The following ARAP1 variants were observed in gnomAD, a reference collection of about 807,000 sequenced individuals.
The protein encoded by ARAP1 is ArfGAP with RhoGAP domain, ankyrin repeat and PH domain 1, also known as arf-GAP with Rho-GAP domain, ANK repeat and PH domain-containing protein 1.
In ARAP1, 76 loss-of-function variants were observed where a neutral mutation model predicts 172.2. The ratio of observed to expected loss-of-function variants is 0.44; its 90% CI spans 0.37 to 0.53. The LOEUF is 0.53. Among genes scored for constraint, ARAP1 ranks in the 20% least tolerant of loss-of-function variants. The pLI is 0.00. For synonymous variants in ARAP1, 804 were observed against 803.3 expected (o/e 1.00, Z -0.01); for missense variants, 1,686 against 1,977.5 (o/e 0.85, Z 2.80).
In ARAP1 at chr11:72,725,776, G is replaced by C. The variant is rs1857668895; in HGVS notation, c.509+844C>G. The stretch of plus-strand genomic sequence containing the variant: ...GACCATAGAAACACAGAGCCCAGCA[G>C]AGTGCCCAGCAATAAACAAACAGGG... On this transcript the variant is annotated intron_variant, in intron 3 of 34. Transcript: ENST00000393609. This position sits in a 1 kb window ranked among gnomAD's most constrained non-coding sequence, Gnocchi z 4.3. 6.6e-6 allele frequency among the ~76,000 whole-genome samples: 1 copy of C among 152,160 alleles called. No individual in the cohort carries two copies. The highest frequency in any genetic ancestry group is 6.5e-5 in the Admixed American group (1 of 15,280).
chr11:72,737,523 T>C (rs1265669110), intron 1 of ARAP1, among the ~76,000 whole-genome samples: 2 of 152,176 alleles, frequency 1.3e-5, no homozygotes, highest in Non-Finnish European at 2.9e-5. Flanking sequence ...CCCAGAGCCT[T>C]AGCCAAAGAC....
intron 33 of ARAP1, among the ~76,000 whole-genome samples, chr11:72,686,968 A>T (rs914864356): frequency 6.6e-6 from 1 of 151,992 alleles, no homozygotes; most frequent in African/African-American, 2.4e-5. Flanking sequence ...GACTTCCAGC[A>T]CTCCTGGCTT....
intron 15 of ARAP1, among the ~76,000 whole-genome samples, chr11:72,702,531 T>C (rs932848509): frequency 2.6e-5 from 4 of 151,900 alleles, no homozygotes; most frequent in African/African-American, 9.7e-5. Context: ...CATGGAGAAA[T>C]GTAACTCAGC....
At chr11:72,698,176 G>A (rs1213609345) in intron 18 of ARAP1, 70 bp from the exon 19 acceptor site, 45 of 1,467,176 alleles carry the variant, frequency 3.1e-5, no homozygotes, top group Non-Finnish European at 3.9e-5. Flanking sequence ...CCAGCTCCTT[G>A]GCTTACAGGC....
intron 16 of ARAP1, 108 bp downstream of exon 16, chr11:72,701,541 C>G: frequency 6.9e-7 from 1 of 1,459,612 alleles, no homozygotes; most frequent in Non-Finnish European, 9.2e-7. Flanking sequence ...AGGAAGCCCT[C>G]TAGGGTGACT....
intron 2 of ARAP1, among the ~76,000 whole-genome samples, chr11:72,730,649 G>A (rs1184270364): frequency 7.3e-5 from 11 of 151,456 alleles, no homozygotes; most frequent in Non-Finnish European, 1.0e-4. Context: ...GCAGTGAGCC[G>A]AGATCACACC....
At position 72,710,073 on chromosome 11, in the gene ARAP1, C is replaced by A; in HGVS notation, c.1417-97G>T. 8.7e-7 allele frequency: 1 copy of A among 1,143,284 alleles called. No individual in the cohort carries two copies. Among genetic ancestry groups the A allele is most frequent in the South Asian group, 1.2e-5 (1 of 80,184 alleles). 70.8% of individuals were successfully genotyped at this position (1,143,284 alleles called of 1,614,324 possible). On this transcript the variant is annotated intron_variant, in intron 10 of 34. Coordinates refer to ENST00000393609, the MANE Select transcript of ARAP1 (RefSeq NM_001040118.3). This position sits in a 1 kb window ranked among gnomAD's most constrained non-coding sequence, Gnocchi z 4.3. ...AAGGGAAGGTGGTGCAACTCAGGGA[C>A]TGGGGGGGGTGCCCAGGAGGGAGAC...
chr11:72,702,844 T>C (rs532262866), intron 15 of ARAP1, 61 bp downstream of exon 15: 1 of 1,527,540 alleles, frequency 6.5e-7, no homozygotes, highest in East Asian at 2.5e-5. Context: ...GAGCAGCAGG[T>C]AAATCAAACC....
chr11:72,728,702 A>G (rs1157401569), intron 2 of ARAP1, among the ~76,000 whole-genome samples: 1 of 152,236 alleles, frequency 6.6e-6, no homozygotes, highest in African/African-American at 2.4e-5. Context: ...AAAGCATCAC[A>G]AAATAGAAAA....
chr11:72,688,717 C>G, intron 30 of ARAP1, 180 bp from the exon 31 acceptor site: 2 of 578,898 alleles, frequency 3.5e-6, no homozygotes, highest in Non-Finnish European at 6.2e-6. Context: ...GCCCAACCAA[C>G]CTCCCAGCCC....
chr11:72,703,541 G>A (rs932393453), intron 14 of ARAP1: 3 of 163,240 alleles, frequency 1.8e-5, no homozygotes, highest in South Asian at 1.7e-4. Flanking sequence ...GGAGCAGGAC[G>A]CCTGGGTCCC....
At position 72,696,494 on chromosome 11, in the gene ARAP1, G is replaced by A. The variant is rs1485840503; in HGVS notation, c.3272+55C>T. On this transcript the variant is annotated intron_variant, in intron 23 of 34. Coordinates refer to ENST00000393609, the MANE Select transcript of ARAP1 (RefSeq NM_001040118.3). ...AGGAGGGTAGTCAGCCAGGGTGGGGGTAGAAGAACCTTCATCCCATCCCCC... is the reference window on the plus strand; with the variant it reads ...AGGAGGGTAGTCAGCCAGGGTGGGGATAGAAGAACCTTCATCCCATCCCCC... The A allele has an allele frequency of 6.4e-6, 9 of 1,407,364 alleles. No individual in the cohort carries two copies. In the African/African-American group the frequency reaches 1.0e-4, roughly 16 times the overall value. The allele number at this position is 1,407,364 out of a possible 1,614,324, so 87.2% of individuals were successfully genotyped here.
At position 72,696,264 on chromosome 11, in the gene ARAP1, C is replaced by T. The variant is rs536205293; in HGVS notation, c.3272+285G>A. Among the ~76,000 whole-genome samples, 5 of 152,304 alleles carry T rather than the reference C, an allele frequency of 3.3e-5. No homozygotes were observed. In the South Asian group the frequency reaches 8.3e-4, roughly 25 times the overall value. On this transcript the variant is annotated intron_variant, in intron 23 of 34. Transcript: ENST00000393609. ...GTTCCGATCCTTTGAGAATCTAATG[C>T]CGCGGCTGATCTGACAGGAGGCAGA...
chr11:72,700,650 C>T (rs968901990), intron 16 of ARAP1: 1 of 152,258 alleles, frequency 6.6e-6, no homozygotes, highest in African/African-American at 2.4e-5. Context: ...CAGTGGGGTA[C>T]AGAGAATCTA....
Position 72,709,934 on chromosome 11 carries a change from C to T in ARAP1, c.1459G>A (p.Val487Met), listed in dbSNP as rs201636463. The change falls in exon 11 of 35, where the codon GTG (valine) becomes ATG (methionine). Residue 487 changes from valine (V) to methionine (M), a missense_variant. By Grantham distance (21) the Val-to-Met change is conservative. Around this residue, in one of 5 missense-constraint regions of ARAP1, gnomAD observed 688 missense variants for 856.9 expected, o/e 0.80. Transcript: ENST00000393609. ...CGGTCCACTTCCTTCACGTTGCCCA[C>T]GCTCATGTCGATGAAGGTGATGCCA... ...GIGITFIDMS[V>M]GNVKEVDRRS... 9.4e-5 allele frequency: 151 copies of T among 1,613,980 alleles called. 3 individuals carry two copies. The South Asian group carries it at 1.4e-3, about 14-fold the overall frequency.
Position 72,710,539 on chromosome 11 carries a change from T to G in ARAP1, c.1262A>C (p.Gln421Pro). ...GCTAGAGAGCCGGGCCCGGGCACGCTGCTCAGCCATGGCCTGCTGCAGGGC... is the reference window on the plus strand; with the variant it reads ...GCTAGAGAGCCGGGCCCGGGCACGCGGCTCAGCCATGGCCTGCTGCAGGGC... ...MQALQQAMAE[Q>P]RARARLSSAY... Residue 421 changes from glutamine to proline, a missense_variant, in exon 10 of 35, where the codon CAG becomes CCG. Transcript: ENST00000393609. The surrounding 1 kb of genome is among the most constrained non-coding windows in gnomAD (Gnocchi z 4.3). 6.2e-7 allele frequency: 1 copy of G among 1,612,470 alleles called. No individual in the cohort carries two copies. The highest frequency in any genetic ancestry group is 1.7e-5 in the Admixed American group (1 of 60,008).
At chr11:72,703,418 G>GGGGGT (rs1856601722) in intron 14 of ARAP1, 1 of 147,896 alleles carries the variant, frequency 6.8e-6, no homozygotes, top group African/African-American at 2.9e-5. Context: ...CGGGGGGGGG[G>GGGGGT]TGTGCTTTGT....
intron 5 of ARAP1, 30 bp from the exon 6 acceptor site, chr11:72,712,598 T>C: frequency 1.2e-6 from 2 of 1,609,144 alleles, no homozygotes; most frequent in Middle Eastern, 1.7e-4. Flanking sequence ...AGCGTCATCC[T>C]TCCCTTCAAG....
rs1021868199 is a variant in ARAP1, at chr11:72,693,662, G to A, written c.3808+30C>T. On this transcript the variant is annotated intron_variant, in intron 28 of 34. Coordinates refer to ENST00000393609, the MANE Select transcript of ARAP1 (RefSeq NM_001040118.3). This position sits in a 1 kb window ranked among gnomAD's most constrained non-coding sequence, Gnocchi z 4.6. ...TGGCTCTGGAAGAGAGGACCACCCGGAGCCTGGCCACCCTGCAGGCACCAC... is the reference window on the plus strand; with the variant it reads ...TGGCTCTGGAAGAGAGGACCACCCGAAGCCTGGCCACCCTGCAGGCACCAC... 10 of 1,573,598 alleles carry A rather than the reference G, an allele frequency of 6.4e-6. No individual in the cohort carries two copies. The highest frequency in any genetic ancestry group is 1.7e-4 in the Middle Eastern group (1 of 5,942).
Sources: gnomAD v4.1 joint callset for allele counts (sites outside exome capture counted in the v4.1 genomes callset) on GRCh38, gnomAD v4.1.1 for gene constraint, gnomAD v4.1.1 regional missense constraint, Gnocchi (gnomAD v3.1) non-coding constraint, MANE v1.5 for transcripts, NCBI Gene and HGNC (gene_info 2026-07-23, HGNC 2026-07-21) for gene names.